The following TLCD3B variants were observed in gnomAD, a reference collection of about 807,000 sequenced individuals.
TLCD3B encodes the protein TLC domain containing 3B.
In TLCD3B, 9 loss-of-function variants were observed where a neutral mutation model predicts 23.0. The ratio of observed to expected loss-of-function variants is 0.39; its 90% CI spans 0.24 to 0.68. TLCD3B has a LOEUF of 0.68. Ranked by LOEUF, TLCD3B falls within the 30% of genes least tolerant of loss-of-function variation. TLCD3B has a pLI of 0.44. For synonymous variants in TLCD3B, 161 were observed against 161.0 expected (o/e 1.00, Z 0.00); for missense variants, 307 against 371.8 (o/e 0.83, Z 1.43).
At chr16:30,045,846 C>T (rs2150997887) in intron 2 of TLCD3B, among the ~76,000 whole-genome samples, 1 of 151,812 alleles carries the variant, frequency 6.6e-6, no homozygotes, top group South Asian at 2.1e-4. Flanking sequence ...TTCAGGACAT[C>T]CCAGCAGAGG....
Position 30,052,397 on chromosome 16 carries a change from A to T in TLCD3B, c.-294+377T>A, listed in dbSNP as rs1483455999. 3.3e-5 allele frequency among the ~76,000 whole-genome samples: 5 copies of T among 151,438 alleles called. No individual in the cohort carries two copies. The East Asian group carries it at 9.7e-4, about 29-fold the overall frequency. The stretch of plus-strand genomic sequence containing the variant: ...AATAAATAAATCAATTAATAAATAA[A>T]TCAGTAAAAAAGAACCGGGCCCGGC... On this transcript the variant is annotated intron_variant, in intron 1 of 6. Coordinates refer to the TLCD3B transcript ENST00000561666.
chr16:30,026,939 G>A, intron 2 of TLCD3B, 96 bp from the exon 3 acceptor site: 1 of 1,062,764 alleles, frequency 9.4e-7, no homozygotes, highest in Non-Finnish European at 1.4e-6. Flanking sequence ...GCCCTGGACA[G>A]GAGCGGAGTC....
intron 2 of TLCD3B, among the ~76,000 whole-genome samples, chr16:30,044,212 G>T (rs2071620739): frequency 1.3e-5 from 2 of 151,988 alleles, no homozygotes; most frequent in African/African-American, 4.8e-5. Context: ...GCCCAGGCTG[G>T]TCTCAAACTC....
Position 30,024,608 on chromosome 16 carries a change from C to T in TLCD3B, c.*575G>A. 1 of 282,492 alleles carries T rather than the reference C, an allele frequency of 3.5e-6. No homozygotes were observed. Among genetic ancestry groups the T allele is most frequent in the South Asian group, 8.3e-5 (1 of 12,040 alleles). The allele number at this position is 282,492 out of a possible 1,614,324, so 17.5% of individuals were successfully genotyped here. On this transcript the variant is annotated 3_prime_UTR_variant, in exon 5 of 5. Transcript: ENST00000380495. The stretch of plus-strand genomic sequence containing the variant: ...CCTCGCCTGCCCCCGGGGTTGTCAG[C>T]ACTGGGAAGGCTTGGGGGTAGCAGC...
intron 2 of TLCD3B, among the ~76,000 whole-genome samples, chr16:30,044,454 C>G (rs545245303): frequency 2.0e-5 from 3 of 151,660 alleles, no homozygotes; most frequent in Non-Finnish European, 4.4e-5. Context: ...ATTACAGGTG[C>G]CTGCCACCAC....
chr16:30,024,929 A>C lies in TLCD3B; in HGVS notation c.*254T>G. On this transcript the variant is annotated 3_prime_UTR_variant, in exon 5 of 5. Transcript: ENST00000380495. The stretch of plus-strand genomic sequence containing the variant: ...CCTCCCCACAAGCCCTCCTGCCCTC[A>C]GTGGGTGGGAGGCGGTGCCCCCTCC... 2.3e-6 allele frequency: 1 copy of C among 437,540 alleles called. No individual in the cohort carries two copies. Among genetic ancestry groups the C allele is most frequent in the Non-Finnish European group, 4.0e-6 (1 of 248,970 alleles). The allele number at this position is 437,540 out of a possible 1,614,324, so 27.1% of individuals were successfully genotyped here. A position where few individuals can be genotyped will look rare whatever the true frequency, so the allele number is the denominator to read the frequency against.
Position 30,029,410 on chromosome 16 carries a change from G to T in TLCD3B, c.209+22C>A. On this transcript the variant is annotated intron_variant, in intron 2 of 4. Transcript: ENST00000380495. This position sits in a 1 kb window ranked among gnomAD's most constrained non-coding sequence, Gnocchi z 4.6. Reference sequence around the variant, plus strand: ...ACGCCAACCACTGGCACCTGGGCAGGGGGGTGTCTCGCAGCACTTACTGGT... The same window carrying T: ...ACGCCAACCACTGGCACCTGGGCAGTGGGGTGTCTCGCAGCACTTACTGGT... 6.2e-7 allele frequency: 1 copy of T among 1,609,514 alleles called. No individual in the cohort carries two copies. Among genetic ancestry groups the T allele is most frequent in the South Asian group, 1.1e-5 (1 of 90,882 alleles).
chr16:30,026,232 C>T (rs1361606243), intron 3 of TLCD3B, among the ~76,000 whole-genome samples: 2 of 150,894 alleles, frequency 1.3e-5, no homozygotes, highest in Non-Finnish European at 3.0e-5. Flanking sequence ...GAGACTCCGT[C>T]TTGGAAAGAA....
At position 30,025,161 on chromosome 16, in the gene TLCD3B, G is replaced by A; in HGVS notation, c.*22C>T. The A allele has an allele frequency of 7.1e-7, 1 of 1,404,236 alleles. No individual in the cohort carries two copies. The highest frequency in any genetic ancestry group is 1.5e-5 in the African/African-American group (1 of 68,300). 87.0% of individuals were successfully genotyped at this position (1,404,236 alleles called of 1,614,324 possible). Reference sequence around the variant, plus strand: ...CTCCACGGGGGTGGGGGTGGGGAGGGGGAGGGTCCCGGCCCCCGGCCTCAG... The same window carrying A: ...CTCCACGGGGGTGGGGGTGGGGAGGAGGAGGGTCCCGGCCCCCGGCCTCAG... On this transcript the variant is annotated 3_prime_UTR_variant, in exon 5 of 5. Transcript: ENST00000380495. The surrounding 1 kb of genome is among the most constrained non-coding windows in gnomAD (Gnocchi z 4.1).
At chr16:30,035,565 C>T (rs149378381), upstream of TLCD3B, 4 of 1,232,928 alleles carry the variant, frequency 3.2e-6, no homozygotes, top group Admixed American at 2.5e-5. Flanking sequence ...TTCTTCACCC[C>T]CAATGAGGCA....
At chr16:30,041,733 A>T (rs1247535618) in intron 2 of TLCD3B, among the ~76,000 whole-genome samples, 2 of 151,820 alleles carry the variant, frequency 1.3e-5, no homozygotes, top group African/African-American at 4.8e-5. Context: ...AAAAAAAAAA[A>T]AAAAAAGTGT....
At chr16:30,027,015 C>T in intron 2 of TLCD3B, 172 bp from the exon 3 acceptor site, 1 of 697,910 alleles carries the variant, frequency 1.4e-6, no homozygotes. Context: ...CACAGTCATG[C>T]AGCTAGTAAG....
chr16:30,027,035 T>C, intron 2 of TLCD3B, 192 bp from the exon 3 acceptor site: 2 of 687,004 alleles, frequency 2.9e-6, no homozygotes, highest in Admixed American at 4.1e-5. Context: ...GAGATGGTGC[T>C]GGGATTCAAA....
At chr16:30,030,267 C>G in intron 1 of TLCD3B, 136 bp downstream of exon 1, 1 of 1,150,472 alleles carries the variant, frequency 8.7e-7, no homozygotes, top group Non-Finnish European at 1.2e-6. Context: ...GAGAGGAAGC[C>G]TGGGGGTAAA....
In TLCD3B at chr16:30,025,086, G is replaced by A. The variant is rs2071044656; in HGVS notation, c.*97C>T. 2.4e-6 allele frequency: 2 copies of A among 829,094 alleles called. No individual in the cohort carries two copies. Among genetic ancestry groups the A allele is most frequent in the Non-Finnish European group, 3.6e-6 (2 of 554,354 alleles). 51.4% of individuals were successfully genotyped at this position (829,094 alleles called of 1,614,324 possible). A position where few individuals can be genotyped will look rare whatever the true frequency, so the allele number is the denominator to read the frequency against. ...TCATCGTCAGTCCTGGGGTTGTCCG[G>A]GCAAGAGGACCCTGGCTCCCAACCC... On this transcript the variant is annotated 3_prime_UTR_variant, in exon 5 of 5. Transcript: ENST00000380495. The surrounding 1 kb of genome is among the most constrained non-coding windows in gnomAD (Gnocchi z 4.1).
chr16:30,052,165 C>T (rs369475469), intron 1 of TLCD3B, among the ~76,000 whole-genome samples: 1,557 of 151,954 alleles, frequency 0.01, 27 homozygotes, highest in African/African-American at 0.034. Context: ...GTTAGGAGTT[C>T]GAGACCAGCC....
At position 30,024,770 on chromosome 16, in the gene TLCD3B, G is replaced by A. The variant is rs1264367658; in HGVS notation, c.*413C>T. 5.0e-6 allele frequency: 1 copy of A among 200,096 alleles called. No homozygotes were observed. The highest frequency in any genetic ancestry group is 2.3e-5 in the African/African-American group (1 of 42,912). 12.4% of individuals were successfully genotyped at this position (200,096 alleles called of 1,614,324 possible). A position where few individuals can be genotyped will look rare whatever the true frequency, so the allele number is the denominator to read the frequency against. On this transcript the variant is annotated 3_prime_UTR_variant, in exon 5 of 5. Transcript: ENST00000380495. ...ACTCGGGAGGCCCGAGGGCCAGCGG[G>A]GGTTAGTTGGGGCGTCCTCTCCTCT... is the stretch of plus-strand genomic sequence containing the variant.
chr16:30,047,750 T>G (rs1432924471), intron 1 of TLCD3B, among the ~76,000 whole-genome samples: 1 of 149,572 alleles, frequency 6.7e-6, no homozygotes, highest in East Asian at 2.0e-4. Flanking sequence ...TGAGCCACTG[T>G]ACGTGGCCTA....
Position 30,029,607 on chromosome 16 carries a change from G to T in TLCD3B, c.126-92C>A. On this transcript the variant is annotated intron_variant, in intron 1 of 4. Coordinates refer to ENST00000380495, the MANE Select transcript of TLCD3B (RefSeq NM_031478.6). This position sits in a 1 kb window ranked among gnomAD's most constrained non-coding sequence, Gnocchi z 4.6. ...GTTGCTAGTCTAACGACTGCGCTTTGCGTTCAGCCACTTCTCGGGCCAGTC... is the reference window on the plus strand; with the variant it reads ...GTTGCTAGTCTAACGACTGCGCTTTTCGTTCAGCCACTTCTCGGGCCAGTC... 1 of 1,121,408 alleles carries T rather than the reference G, an allele frequency of 8.9e-7. No individual in the cohort carries two copies. 69.5% of individuals were successfully genotyped at this position (1,121,408 alleles called of 1,614,324 possible). A position where few individuals can be genotyped will look rare whatever the true frequency, so the allele number is the denominator to read the frequency against.
Sources: allele counts gnomAD v4.1 joint callset (sites outside exome capture counted in the v4.1 genomes callset), GRCh38; gene constraint gnomAD v4.1.1; non-coding constraint Gnocchi (gnomAD v3.1); transcripts MANE v1.5; gene names NCBI Gene and HGNC (gene_info 2026-07-23, HGNC 2026-07-21).